RFX3: variants seen among roughly 807,000 people sequenced by gnomAD.
RFX3 encodes the protein transcription factor RFX3.
Under a neutral mutation model 98.6 loss-of-function variants are expected in RFX3, and 14 were observed. The ratio of observed to expected loss-of-function variants is 0.14; its 90% CI spans 0.09 to 0.22. The LOEUF is 0.22. Among genes scored for constraint, RFX3 ranks in the 10% least tolerant of loss-of-function variants. The probability of loss-of-function intolerance (pLI) is 1.00; values close to 1 mark genes in which losing one functional copy is unlikely to be tolerated. For synonymous variants in RFX3, 383 were observed against 328.4 expected (o/e 1.17, Z -1.80); for missense variants, 639 against 926.9 (o/e 0.69, Z 4.03).
chr9:3,472,821 T>C (rs1031469947), intron 1 of RFX3, among the ~76,000 whole-genome samples: 6 of 152,218 alleles, frequency 3.9e-5, no homozygotes, highest in African/African-American at 1.4e-4. Flanking sequence ...ACAACTGCTA[T>C]AGTATCCTGA....
intron 1 of RFX3, among the ~76,000 whole-genome samples, chr9:3,491,911 C>G (rs529851234): frequency 1.3e-5 from 2 of 152,178 alleles, no homozygotes; most frequent in East Asian, 1.9e-4. Flanking sequence ...TCTCCCCATA[C>G]TAATAGTTTA....
intron 7 of RFX3, among the ~76,000 whole-genome samples, chr9:3,281,445 T>C (rs1335406626): frequency 6.6e-6 from 1 of 151,756 alleles, no homozygotes; most frequent in Non-Finnish European, 1.5e-5. Context: ...TTCCTCCCTT[T>C]ACTTCCATTT....
chr9:3,374,269 C>T (rs1838201999), intron 2 of RFX3, among the ~76,000 whole-genome samples: 1 of 152,128 alleles, frequency 6.6e-6, no homozygotes, highest in Non-Finnish European at 1.5e-5. Flanking sequence ...AGTATAGCAG[C>T]TCCTCAAAAT....
intron 3 of RFX3, among the ~76,000 whole-genome samples, chr9:3,333,872 C>G (rs569043014): frequency 6.6e-6 from 1 of 151,992 alleles, no homozygotes; most frequent in Non-Finnish European, 1.5e-5. Flanking sequence ...ATTTACTGAC[C>G]ATTTACTATG....
chr9:3,396,254 T>G (rs866880580), intron 1 of RFX3, among the ~76,000 whole-genome samples: 1 of 152,036 alleles, frequency 6.6e-6, no homozygotes, highest in Non-Finnish European at 1.5e-5. Flanking sequence ...TGTGTTCTCA[T>G]TGTTCAATTC....
intron 1 of RFX3, among the ~76,000 whole-genome samples, chr9:3,429,392 T>C (rs1216425206): frequency 1.3e-5 from 2 of 149,548 alleles, no homozygotes; most frequent in East Asian, 3.9e-4. Flanking sequence ...AATCTTAATA[T>C]ATACCAATAC....
chr9:3,238,552 T>C (rs1306101272), intron 15 of RFX3, among the ~76,000 whole-genome samples: 1 of 152,164 alleles, frequency 6.6e-6, no homozygotes, highest in Non-Finnish European at 1.5e-5. Context: ...AATGAAGAAA[T>C]AGGCCCTTTA....
chr9:3,372,257 C>T (rs770106004), intron 2 of RFX3, among the ~76,000 whole-genome samples: 5 of 152,200 alleles, frequency 3.3e-5, no homozygotes, highest in Non-Finnish European at 7.3e-5. Flanking sequence ...CTTCCTCATC[C>T]CTCAAGTGGG....
At chr9:3,356,396 C>T (rs531217466) in intron 2 of RFX3, among the ~76,000 whole-genome samples, 1 of 151,734 alleles carries the variant, frequency 6.6e-6, no homozygotes, top group Non-Finnish European at 1.5e-5. Flanking sequence ...AATTCAACAA[C>T]TAAGATGAAA....
chr9:3,437,395 C>A (rs1469738878), intron 1 of RFX3, among the ~76,000 whole-genome samples: 2 of 152,100 alleles, frequency 1.3e-5, no homozygotes, highest in Non-Finnish European at 2.9e-5. Context: ...GGAGGTACCA[C>A]ATTCTGCTTC....
chr9:3,294,000 G>C (rs749387285), intron 5 of RFX3, among the ~76,000 whole-genome samples: 4 of 152,032 alleles, frequency 2.6e-5, no homozygotes, highest in Admixed American at 1.3e-4. Context: ...TACTTTTTCA[G>C]TCTATGTTCA....
chr9:3,227,467 C>T (rs1817914308), intron 16 of RFX3, among the ~76,000 whole-genome samples: 2 of 152,288 alleles, frequency 1.3e-5, no homozygotes, highest in South Asian at 2.1e-4. Context: ...CTCGAAGACA[C>T]TTTCTAGAAA....
chr9:3,254,033 C>T (rs1034992828), intron 14 of RFX3, among the ~76,000 whole-genome samples: 9 of 152,132 alleles, frequency 5.9e-5, no homozygotes, highest in East Asian at 5.8e-4. Context: ...AACTGTAGGC[C>T]TTCAAGTCTT....
intron 15 of RFX3, among the ~76,000 whole-genome samples, chr9:3,231,260 T>G (rs1048713268): frequency 1.3e-5 from 2 of 152,130 alleles, no homozygotes; most frequent in African/African-American, 2.4e-5. Flanking sequence ...GAAGAAGAGA[T>G]AAGATTTTAC....
At chr9:3,512,865 A>AATT (rs1817781487) in intron 1 of RFX3, among the ~76,000 whole-genome samples, 1 of 152,008 alleles carries the variant, frequency 6.6e-6, no homozygotes, top group Admixed American at 6.6e-5. Flanking sequence ...ATTCTCTACT[A>AATT]ATTTCATTCA....
intron 2 of RFX3, among the ~76,000 whole-genome samples, chr9:3,355,967 A>C (rs1013311403): frequency 6.6e-6 from 1 of 151,902 alleles, no homozygotes; most frequent in African/African-American, 2.4e-5. Flanking sequence ...ATCACAAGGG[A>C]AATTAGACAA....
intron 1 of RFX3, among the ~76,000 whole-genome samples, chr9:3,510,108 T>C (rs886119652): frequency 2.0e-5 from 3 of 152,058 alleles, no homozygotes; most frequent in Admixed American, 6.6e-5. Flanking sequence ...TAATCTGCTG[T>C]AGTCCCATGG....
At chr9:3,270,764 T>C (rs1404160438) in intron 10 of RFX3, 2 of 670,662 alleles carry the variant, frequency 3.0e-6, no homozygotes, top group African/African-American at 1.8e-5. Flanking sequence ...GATATGATAG[T>C]AATTCCATGA....
intron 1 of RFX3, among the ~76,000 whole-genome samples, chr9:3,475,215 T>C (rs1276084276): frequency 6.6e-6 from 1 of 151,982 alleles, no homozygotes; most frequent in African/African-American, 2.4e-5. Context: ...TTGAACACTG[T>C]AGGGTCCAGC....
Sources: allele counts gnomAD v4.1 joint callset (sites outside exome capture counted in the v4.1 genomes callset), GRCh38; gene constraint gnomAD v4.1.1; transcripts MANE v1.5; gene names NCBI Gene and HGNC (gene_info 2026-07-23, HGNC 2026-07-21).